The following RAD51B variants were observed in gnomAD, a reference collection of about 807,000 sequenced individuals.
RAD51B encodes the protein DNA repair protein RAD51 homolog 2.
In RAD51B, 38 loss-of-function variants were observed where a neutral mutation model predicts 42.2. The observed-to-expected ratio is 0.90, with a 90% CI of 0.70 to 1.18. RAD51B has a LOEUF of 1.18. Among genes scored for constraint, RAD51B ranks in the 50% most tolerant of loss-of-function variants. The probability of loss-of-function intolerance (pLI) is 0.00; values close to 1 mark genes in which losing one functional copy is unlikely to be tolerated. For missense variants in RAD51B, 373 were observed against 400.7 expected (o/e 0.93, Z 0.59); for synonymous variants, 154 against 145.2 (o/e 1.06, Z -0.43).
intron 7 of RAD51B, among the ~76,000 whole-genome samples, chr14:68,291,562 G>A (rs2081517399): frequency 6.6e-6 from 1 of 152,300 alleles, no homozygotes; most frequent in Admixed American, 6.5e-5. Context: ...ATTGTGGTTA[G>A]CTGCCTATTA....
intron 10 of RAD51B, among the ~76,000 whole-genome samples, chr14:68,548,419 G>T (rs1451139782): frequency 6.6e-6 from 1 of 152,248 alleles, no homozygotes; most frequent in Non-Finnish European, 1.5e-5. Context: ...TGCAGATGCT[G>T]TAAATATGGT....
rs899863831 is a variant in RAD51B, at chr14:68,148,981, C to T, written c.757-142903C>T. 2.6e-5 allele frequency among the ~76,000 whole-genome samples: 4 copies of T among 152,182 alleles called. No individual in the cohort carries two copies. In the South Asian group the frequency reaches 8.3e-4, roughly 32 times the overall value. On this transcript the variant is annotated intron_variant, in intron 7 of 10. Transcript: ENST00000471583. ...AACCCCACTGTAAGTTGAGGAGGATCTGCAGGTGTGTAGTGGTATCTGTGT... is the reference window on the plus strand; with the variant it reads ...AACCCCACTGTAAGTTGAGGAGGATTTGCAGGTGTGTAGTGGTATCTGTGT...
chr14:67,873,327 A>T (rs1215307412), intron 5 of RAD51B, among the ~76,000 whole-genome samples: 2 of 152,246 alleles, frequency 1.3e-5, no homozygotes, highest in Non-Finnish European at 2.9e-5. Flanking sequence ...AGCCAAAAAC[A>T]CATGAAAAAA....
intron 7 of RAD51B, among the ~76,000 whole-genome samples, chr14:68,086,767 A>G (rs1180164134): frequency 6.6e-6 from 1 of 152,106 alleles, no homozygotes; most frequent in African/African-American, 2.4e-5. Context: ...TGTTAGGATT[A>G]ATTTCTAATA....
intron 7 of RAD51B, among the ~76,000 whole-genome samples, chr14:68,115,256 G>A (rs2077522712): frequency 7.3e-6 from 1 of 136,206 alleles, no homozygotes; most frequent in African/African-American, 3.3e-5. Context: ...GGACATGGAT[G>A]AAATTGGAAA....
At chr14:68,098,362 A>G (rs1301140611) in intron 7 of RAD51B, among the ~76,000 whole-genome samples, 1 of 152,264 alleles carries the variant, frequency 6.6e-6, no homozygotes, top group Non-Finnish European at 1.5e-5. Context: ...TGCCCAGGCA[A>G]TTAAAAAGTA....
intron 7 of RAD51B, among the ~76,000 whole-genome samples, chr14:68,180,788 A>C (rs1182427116): frequency 6.6e-6 from 1 of 152,206 alleles, no homozygotes; most frequent in Non-Finnish European, 1.5e-5. Context: ...TTATACTTCA[A>C]GATGTACAGG....
At chr14:68,173,923 T>G (rs1241091458) in intron 7 of RAD51B, among the ~76,000 whole-genome samples, 1 of 152,226 alleles carries the variant, frequency 6.6e-6, no homozygotes, top group Non-Finnish European at 1.5e-5. Flanking sequence ...TTCTAGCCAC[T>G]GAAATCTTAA....
At position 68,569,370 on chromosome 14, in the gene RAD51B, C is replaced by T. The variant is rs192946478; in HGVS notation, c.1037-25115C>T. Among the ~76,000 whole-genome samples, 380 of 152,302 alleles carry T rather than the reference C, an allele frequency of 2.5e-3. 3 individuals carry two copies. Among genetic ancestry groups the T allele is most frequent in the Admixed American group, 3.6e-3 (55 of 15,302 alleles). On this transcript the variant is annotated intron_variant, in intron 10 of 10. Coordinates refer to the RAD51B transcript ENST00000487270. ...AGAAGGGCAACAGGGTCAGCAGCAG[C>T]AAACTGAGGGGCCAACTCACCACGC...
chr14:68,608,543 A>G (rs1891547528), intron 10 of RAD51B, among the ~76,000 whole-genome samples: 1 of 152,112 alleles, frequency 6.6e-6, no homozygotes, highest in Non-Finnish European at 1.5e-5. Flanking sequence ...TCCCTGGAGG[A>G]GGAGAGCAGC....
At chr14:68,104,661 T>C (rs999279654) in intron 7 of RAD51B, among the ~76,000 whole-genome samples, 1 of 152,174 alleles carries the variant, frequency 6.6e-6, no homozygotes, top group Non-Finnish European at 1.5e-5. Context: ...CCAGACATTG[T>C]TGACATCATG....
chr14:68,094,719 AG>A (rs1768839933), intron 7 of RAD51B, among the ~76,000 whole-genome samples: 1 of 152,228 alleles, frequency 6.6e-6, no homozygotes, highest in African/African-American at 2.4e-5. Context: ...CCCCACAGTC[AG>A]GGTGAATATA....
At chr14:68,259,364 A>G (rs541277100) in intron 7 of RAD51B, among the ~76,000 whole-genome samples, 32 of 152,214 alleles carry the variant, frequency 2.1e-4, no homozygotes, top group East Asian at 1.9e-4. Context: ...TGAGGAGTTA[A>G]TGGGTGCAGC....
intron 10 of RAD51B, among the ~76,000 whole-genome samples, chr14:68,496,011 A>G (rs1192411265): frequency 1.3e-5 from 2 of 152,226 alleles, no homozygotes; most frequent in Non-Finnish European, 2.9e-5. Context: ...TACTGATGCA[A>G]TTAAAGCCGC....
intron 10 of RAD51B, chr14:68,594,389 G>A (rs1236497696): frequency 8.4e-7 from 1 of 1,191,606 alleles, no homozygotes; most frequent in Non-Finnish European, 1.1e-6. Context: ...CTCTCCATCA[G>A]GTCTTCCTCA....
At chr14:68,519,761 T>C (rs961053794) in intron 10 of RAD51B, among the ~76,000 whole-genome samples, 6 of 152,204 alleles carry the variant, frequency 3.9e-5, no homozygotes, top group African/African-American at 1.2e-4. Context: ...TTTTCTGTAT[T>C]AGATTGCCCA....
intron 7 of RAD51B, among the ~76,000 whole-genome samples, chr14:68,274,762 T>C (rs2081187835): frequency 6.6e-6 from 1 of 152,236 alleles, no homozygotes; most frequent in South Asian, 2.1e-4. Flanking sequence ...AAATGCCCTA[T>C]ATTCTAGATT....
chr14:67,832,794 T>C (rs376571869), intron 3 of RAD51B, among the ~76,000 whole-genome samples: 1 of 152,140 alleles, frequency 6.6e-6, no homozygotes, highest in African/African-American at 2.4e-5. Flanking sequence ...GACAGTGCCC[T>C]GGAGCAGGCA....
At chr14:68,409,910 C>A (rs2084374247) in intron 8 of RAD51B, among the ~76,000 whole-genome samples, 1 of 152,192 alleles carries the variant, frequency 6.6e-6, no homozygotes, top group African/African-American at 2.4e-5. Context: ...AAATTTTATT[C>A]TTTCTTACAC....
Sources: allele counts gnomAD v4.1 joint callset (sites outside exome capture counted in the v4.1 genomes callset), GRCh38; gene constraint gnomAD v4.1.1; transcripts MANE v1.5; gene names NCBI Gene and HGNC (gene_info 2026-07-23, HGNC 2026-07-21).